Variants in CSNK1E observed in about 807,000 individuals in gnomAD.
CSNK1E encodes the protein casein kinase 1 epsilon, also known as casein kinase I isoform epsilon.
Under a neutral mutation model 46.1 loss-of-function variants are expected in CSNK1E, and 17 were observed. That is an observed-to-expected ratio of 0.37 (90% CI 0.25 to 0.55). CSNK1E has a LOEUF of 0.55. CSNK1E is among the 20% of genes least tolerant of loss of function. CSNK1E has a pLI of 0.82. For synonymous variants in CSNK1E, 241 were observed against 242.6 expected (o/e 0.99, Z 0.06); for missense variants, 386 against 595.4 (o/e 0.65, Z 3.66).
chr22:38,313,566 G>C (rs1459383042), intron 2 of CSNK1E, among the ~76,000 whole-genome samples: 1 of 152,190 alleles, frequency 6.6e-6, no homozygotes, highest in African/African-American at 2.4e-5. Flanking sequence ...AAAAGAGAGA[G>C]AGAGAACTCC....
chr22:38,302,780 G>C, intron 4 of CSNK1E, 81 bp downstream of exon 4: 1 of 1,541,972 alleles, frequency 6.5e-7, no homozygotes, highest in Non-Finnish European at 8.9e-7. Flanking sequence ...CCATCCTCTG[G>C]CATCCTCTGG....
intron 4 of CSNK1E, among the ~76,000 whole-genome samples, chr22:38,301,888 G>A (rs967726502): frequency 2.0e-5 from 3 of 151,986 alleles, no homozygotes; most frequent in African/African-American, 7.3e-5. Flanking sequence ...AGCCTACATC[G>A]CAGGGCTTTT....
chr22:38,301,404 A>G (rs1276139648), intron 4 of CSNK1E, among the ~76,000 whole-genome samples: 1 of 152,126 alleles, frequency 6.6e-6, no homozygotes, highest in Non-Finnish European at 1.5e-5. Context: ...AAGGATGCCA[A>G]ACTCAGACAG....
chr22:38,308,002 A>G (rs2145845978), intron 2 of CSNK1E, among the ~76,000 whole-genome samples: 1 of 152,248 alleles, frequency 6.6e-6, no homozygotes, highest in South Asian at 2.1e-4. Context: ...GGAGGGCTGT[A>G]TTTTCATCAC....
In CSNK1E at chr22:38,302,930, G is replaced by A. The variant is rs772756628; in HGVS notation, c.267C>T (p.Leu89=). 3.1e-5 allele frequency: 50 copies of A among 1,613,988 alleles called. 1 individual carries two copies. The South Asian group carries it at 3.2e-4, about 10-fold the overall frequency. ...GGGAACAGAAGTTGAACAGGTCCTC[G>A]AGGCTAGGCCCCAGCAGCTCCATGA... ...VMVMELLGPS[L]EDLFNFCSRK... The change falls in exon 4 of 11, where the codon CTC becomes CTT. Residue 89 remains leucine (L), a synonymous_variant. Transcript: ENST00000396832.
Position 38,294,058 on chromosome 22 carries a change from G to A in CSNK1E, c.1218+51C>T, listed in dbSNP as rs763970317. 26 of 1,581,186 alleles carry A rather than the reference G, an allele frequency of 1.6e-5. No homozygotes were observed. The highest frequency in any genetic ancestry group is 2.1e-5 in the Non-Finnish European group (25 of 1,165,526). On this transcript the variant is annotated intron_variant, in intron 9 of 10. Transcript: ENST00000396832. This position sits in a 1 kb window ranked among gnomAD's most constrained non-coding sequence, Gnocchi z 5.5. ...CCACGGCCTGACCTCCCACTGGGGG[G>A]TCTCTAACTCAGTTCTGAGGCCCAG...
At chr22:38,315,177 C>T (rs540684532) in intron 1 of CSNK1E, among the ~76,000 whole-genome samples, 4 of 152,326 alleles carry the variant, frequency 2.6e-5, no homozygotes, top group African/African-American at 9.6e-5. Context: ...GGCTGTCCCA[C>T]CTGGTGGTCT....
rs1005803035 is a variant in CSNK1E, at chr22:38,299,068, C to T, written c.737-134G>A. The stretch of plus-strand genomic sequence containing the variant: ...TGTGAGAGGCAAGAAAAGGAGGCAA[C>T]AGAGCCATGGCCTTCCCTATCCTAC... On this transcript the variant is annotated intron_variant, in intron 6 of 10. Transcript: ENST00000396832. 35 of 980,248 alleles carry T rather than the reference C, an allele frequency of 3.6e-5. No homozygotes were observed. In the Admixed American group the frequency reaches 4.9e-4, roughly 14 times the overall value. 60.7% of individuals were successfully genotyped at this position (980,248 alleles called of 1,614,324 possible).
chr22:38,303,043 C>G lies in CSNK1E; in HGVS notation c.188-34G>C. 1 of 1,483,742 alleles carries G rather than the reference C, an allele frequency of 6.7e-7. No homozygotes were observed. Among genetic ancestry groups the G allele is most frequent in the South Asian group, 1.1e-5 (1 of 87,262 alleles). 91.9% of individuals were successfully genotyped at this position (1,483,742 alleles called of 1,614,324 possible). A position where few individuals can be genotyped will look rare whatever the true frequency, so the allele number is the denominator to read the frequency against. The stretch of plus-strand genomic sequence containing the variant: ...CAAGCAGAGGGCCTCTGTCAGGGGT[C>G]AGAGGCAGGCAGCCAGCCACGCCCG... On this transcript the variant is annotated intron_variant, in intron 3 of 10. Transcript: ENST00000396832. This position sits in a 1 kb window ranked among gnomAD's most constrained non-coding sequence, Gnocchi z 4.7.
In CSNK1E at chr22:38,298,010, A is replaced by G. The variant is rs928427766; in HGVS notation, c.885+776T>C. 2.6e-6 allele frequency: 3 copies of G among 1,142,826 alleles called. No homozygotes were observed. Among genetic ancestry groups the G allele is most frequent in the African/African-American group, 1.7e-5 (1 of 58,980 alleles). 70.8% of individuals were successfully genotyped at this position (1,142,826 alleles called of 1,614,324 possible). A position where few individuals can be genotyped will look rare whatever the true frequency, so the allele number is the denominator to read the frequency against. ...GGGGAGCCGGGCACCTGAAAGGGACAAAAAGCACAGCTGAGGCTCAGCCTC... is the reference window on the plus strand; with the variant it reads ...GGGGAGCCGGGCACCTGAAAGGGACGAAAAGCACAGCTGAGGCTCAGCCTC... On this transcript the variant is annotated intron_variant, in intron 7 of 10. Transcript: ENST00000396832. The surrounding 1 kb of genome is among the most constrained non-coding windows in gnomAD (Gnocchi z 4.2).
chr22:38,295,117 CTGGCAGGTGCAG>C (rs2092633377), intron 7 of CSNK1E, among the ~76,000 whole-genome samples: 2 of 152,208 alleles, frequency 1.3e-5, no homozygotes, highest in South Asian at 4.1e-4. Context: ...GCAATGGCTT[CTGGCAGGTGCAG>C]TGGAGGCCAC....
At position 38,297,025 on chromosome 22, in the gene CSNK1E, T is replaced by C. The variant is rs2092644466; in HGVS notation, c.885+1761A>G. 3 of 709,612 alleles carry C rather than the reference T, an allele frequency of 4.2e-6. No individual in the cohort carries two copies. In the Admixed American group the frequency reaches 6.0e-5, roughly 14 times the overall value. The allele number at this position is 709,612 out of a possible 1,614,324, so 44.0% of individuals were successfully genotyped here. A position where few individuals can be genotyped will look rare whatever the true frequency, so the allele number is the denominator to read the frequency against. Reference sequence around the variant, plus strand: ...CTGACCTCAAGTCATCCGCCCTCTATGGCCTCCCAAAGTGCTGGGATTACA... The same window carrying C: ...CTGACCTCAAGTCATCCGCCCTCTACGGCCTCCCAAAGTGCTGGGATTACA... On this transcript the variant is annotated intron_variant, in intron 7 of 10. Coordinates refer to ENST00000396832, the MANE Select transcript of CSNK1E (RefSeq NM_152221.3).
intron 2 of CSNK1E, among the ~76,000 whole-genome samples, chr22:38,305,245 T>C (rs2092693052): frequency 6.7e-6 from 1 of 150,070 alleles, no homozygotes; most frequent in Admixed American, 6.6e-5. Context: ...AAAGATTAAA[T>C]GTCAGACGGT....
Position 38,314,074 on chromosome 22 carries a change from A to C in CSNK1E, c.76+8T>G. On this transcript the variant is annotated splice_region_variant and intron_variant, in intron 2 of 10. Coordinates refer to ENST00000396832, the MANE Select transcript of CSNK1E (RefSeq NM_152221.3). ...CCAGGGGCTCCAGCTGGAGCTAGGA[A>C]CACTTACCCAGGTAGATATCTCCGA... is the stretch of plus-strand genomic sequence containing the variant. 1.9e-6 allele frequency: 3 copies of C among 1,613,484 alleles called. No homozygotes were observed. Among genetic ancestry groups the C allele is most frequent in the Non-Finnish European group, 2.5e-6 (3 of 1,179,556 alleles).
At chr22:38,296,355 T>C (rs1332591004) in intron 7 of CSNK1E, 1 of 1,380,444 alleles carries the variant, frequency 7.2e-7, no homozygotes, top group East Asian at 2.8e-5. Context: ...AGTGGCTGTA[T>C]GTGCTGAGAG....
chr22:38,295,975 G>A (rs1310623646), intron 7 of CSNK1E, among the ~76,000 whole-genome samples: 1 of 152,264 alleles, frequency 6.6e-6, no homozygotes, highest in Non-Finnish European at 1.5e-5. Flanking sequence ...TCTGCGGGCA[G>A]AGTCACATCA....
At chr22:38,295,959 G>C (rs946994247) in intron 7 of CSNK1E, among the ~76,000 whole-genome samples, 1 of 152,250 alleles carries the variant, frequency 6.6e-6, no homozygotes, top group Non-Finnish European at 1.5e-5. Flanking sequence ...CCTCCGTGCC[G>C]AACCTTCTGC....
rs532753638 is a variant in CSNK1E, at chr22:38,297,864, C to T, written c.885+922G>A. 6.7e-5 allele frequency: 70 copies of T among 1,037,976 alleles called. No individual in the cohort carries two copies. The East Asian group carries it at 4.5e-3, about 66-fold the overall frequency. The allele number at this position is 1,037,976 out of a possible 1,614,324, so 64.3% of individuals were successfully genotyped here. A position where few individuals can be genotyped will look rare whatever the true frequency, so the allele number is the denominator to read the frequency against. Reference sequence around the variant, plus strand: ...CTTCCTCAGGCCTGGCCCCGATGGGCTCAGGCACACCTGGCGACATCAGAA... The same window carrying T: ...CTTCCTCAGGCCTGGCCCCGATGGGTTCAGGCACACCTGGCGACATCAGAA... On this transcript the variant is annotated intron_variant, in intron 7 of 10. Transcript: ENST00000396832.
rs558741181 is a variant in CSNK1E, at chr22:38,290,995, C to A, written c.*976G>T. ...AGGATGGGTTAATCCAAAACCCAGC[C>A]CTGACTCCAGGCTCCTCCTCAGAAA... On this transcript the variant is annotated 3_prime_UTR_variant, in exon 11 of 11. Coordinates refer to ENST00000396832, the MANE Select transcript of CSNK1E (RefSeq NM_152221.3). 2 of 152,404 alleles carry A rather than the reference C, an allele frequency of 1.3e-5. No homozygotes were observed. Among genetic ancestry groups the A allele is most frequent in the South Asian group, 2.1e-4 (1 of 4,828 alleles). The allele number at this position is 152,404 out of a possible 1,614,324, so 9.4% of individuals were successfully genotyped here.
Sources: allele counts gnomAD v4.1 joint callset (sites outside exome capture counted in the v4.1 genomes callset), GRCh38; gene constraint gnomAD v4.1.1; non-coding constraint Gnocchi (gnomAD v3.1); transcripts MANE v1.5; gene names NCBI Gene and HGNC (gene_info 2026-07-23, HGNC 2026-07-21).